GRID2: variants seen among roughly 807,000 people sequenced by gnomAD.
GRID2 encodes the protein glutamate ionotropic receptor delta type subunit 2.
A neutral mutation model predicts 114.8 loss-of-function variants in GRID2; 33 were observed. The observed-to-expected ratio is 0.29, with a 90% CI of 0.22 to 0.38. The LOEUF (loss-of-function observed/expected upper bound fraction) is 0.38, where lower values mean the gene tolerates loss of function less well. GRID2 is among the 10% of genes least tolerant of loss of function. GRID2 has a pLI of 1.00. For synonymous variants in GRID2, 505 were observed against 449.9 expected, an observed-to-expected ratio of 1.12 and a Z score of -1.55; for missense variants, 1,184 against 1,257.7, an observed-to-expected ratio of 0.94 and a Z score of 0.89.
intron 2 of GRID2, among the ~76,000 whole-genome samples, chr4:92,826,885 T>G (rs1741743235): frequency 6.6e-6 from 1 of 152,114 alleles, no homozygotes. Context: ...TGTTATTTCC[T>G]TTATATCCAA....
chr4:93,018,356 A>G (rs965823081), intron 2 of GRID2, among the ~76,000 whole-genome samples: 29 of 152,086 alleles, frequency 1.9e-4, no homozygotes, highest in African/African-American at 7.0e-4. Flanking sequence ...GTCATTACTT[A>G]TTACAACTTC....
At chr4:93,750,283 C>G (rs1342246258) in intron 14 of GRID2, among the ~76,000 whole-genome samples, 4 of 152,170 alleles carry the variant, frequency 2.6e-5, no homozygotes, top group Non-Finnish European at 5.9e-5. Flanking sequence ...AGTGGTTTCT[C>G]CAAACCTGCT....
At chr4:92,950,696 G>A (rs1026850179) in intron 2 of GRID2, among the ~76,000 whole-genome samples, 8 of 152,052 alleles carry the variant, frequency 5.3e-5, no homozygotes, top group African/African-American at 1.9e-4. Context: ...CATGAAAATT[G>A]GTCCTTAATT....
intron 8 of GRID2, among the ~76,000 whole-genome samples, chr4:93,330,007 A>G (rs1758261508): frequency 6.6e-6 from 1 of 152,122 alleles, no homozygotes; most frequent in South Asian, 2.1e-4. Flanking sequence ...AACTGGCCAT[A>G]AAATATTATA....
At chr4:93,335,876 G>A (rs1759029583) in intron 8 of GRID2, among the ~76,000 whole-genome samples, 1 of 151,966 alleles carries the variant, frequency 6.6e-6, no homozygotes, top group East Asian at 1.9e-4. Context: ...TTTTTGTAGA[G>A]ACAGGGTTTC....
intron 2 of GRID2, among the ~76,000 whole-genome samples, chr4:92,698,120 A>G (rs1039413278): frequency 3.3e-5 from 5 of 152,124 alleles, no homozygotes; most frequent in African/African-American, 1.2e-4. Context: ...CAACTGTGTG[A>G]CTTTGCTTAG....
chr4:93,293,240 T>C (rs946457003), intron 8 of GRID2, among the ~76,000 whole-genome samples: 1 of 152,192 alleles, frequency 6.6e-6, no homozygotes, highest in Admixed American at 6.5e-5. Context: ...GTCACTACTG[T>C]GCTGGTGTTC....
At chr4:93,325,012 A>G (rs576483498) in intron 8 of GRID2, among the ~76,000 whole-genome samples, 3 of 152,150 alleles carry the variant, frequency 2.0e-5, no homozygotes, top group Admixed American at 2.0e-4. Flanking sequence ...GATTTTTTGA[A>G]GGGTTTTTTG....
chr4:92,484,833 A>G (rs1722787591), intron 1 of GRID2, among the ~76,000 whole-genome samples: 1 of 152,002 alleles, frequency 6.6e-6, no homozygotes, highest in Admixed American at 6.6e-5. Flanking sequence ...ACCACTTTTT[A>G]GCTTTGATCT....
At chr4:93,715,670 G>A (rs1728845723) in intron 14 of GRID2, among the ~76,000 whole-genome samples, 1 of 152,102 alleles carries the variant, frequency 6.6e-6, no homozygotes, top group Non-Finnish European at 1.5e-5. Flanking sequence ...AATATTCCTA[G>A]ATATTGTATT....
intron 7 of GRID2, among the ~76,000 whole-genome samples, chr4:93,229,013 T>G (rs1424381227): frequency 6.6e-6 from 1 of 152,186 alleles, no homozygotes; most frequent in Admixed American, 6.6e-5. Flanking sequence ...CATTTGTCCC[T>G]GTCAGCTTCT....
At chr4:92,540,693 TG>T (rs1342407542) in intron 1 of GRID2, among the ~76,000 whole-genome samples, 1 of 152,162 alleles carries the variant, frequency 6.6e-6, no homozygotes, top group African/African-American at 2.4e-5. Flanking sequence ...ACACTGTTGG[TG>T]GGACTATAAA....
At chr4:93,062,777 A>G (rs1379300102) in intron 2 of GRID2, among the ~76,000 whole-genome samples, 3 of 152,030 alleles carry the variant, frequency 2.0e-5, no homozygotes, top group Non-Finnish European at 2.9e-5. Context: ...CCTTGACTCT[A>G]TAAAAGTATT....
chr4:93,458,750 A>G (rs998806064), intron 11 of GRID2, among the ~76,000 whole-genome samples: 2 of 152,350 alleles, frequency 1.3e-5, no homozygotes, highest in Admixed American at 6.5e-5. Context: ...CAGATAATTG[A>G]CATATGTAAA....
intron 2 of GRID2, among the ~76,000 whole-genome samples, chr4:92,761,757 A>G (rs1409408461): frequency 2.0e-5 from 3 of 152,088 alleles, no homozygotes; most frequent in Non-Finnish European, 4.4e-5. Context: ...CTTTCTATCA[A>G]TAATGCACAG....
intron 14 of GRID2, among the ~76,000 whole-genome samples, chr4:93,720,219 AT>A (rs1475664800): frequency 1.3e-5 from 2 of 152,176 alleles, no homozygotes; most frequent in African/African-American, 4.8e-5. Context: ...TTCATTCCTG[AT>A]AGTTGTAGCT....
At chr4:93,568,575 A>G (rs1735648008) in intron 13 of GRID2, among the ~76,000 whole-genome samples, 1 of 152,224 alleles carries the variant, frequency 6.6e-6, no homozygotes, top group Non-Finnish European at 1.5e-5. Flanking sequence ...AATGGATAGA[A>G]AACAAAACAA....
At chr4:93,522,505 T>G (rs534730986) in intron 13 of GRID2, among the ~76,000 whole-genome samples, 3 of 152,224 alleles carry the variant, frequency 2.0e-5, no homozygotes, top group African/African-American at 7.2e-5. Flanking sequence ...TCACCAGAAT[T>G]AGTGTTTCCA....
intron 1 of GRID2, among the ~76,000 whole-genome samples, chr4:92,326,974 T>C (rs1048806771): frequency 2.6e-5 from 4 of 151,956 alleles, no homozygotes; most frequent in African/African-American, 9.7e-5. Context: ...CCCTCTCTGA[T>C]TTTCTGATCA....
Sources: gnomAD v4.1 joint callset for allele counts (sites outside exome capture counted in the v4.1 genomes callset) on GRCh38, gnomAD v4.1.1 for gene constraint, MANE v1.5 for transcripts, NCBI Gene and HGNC (gene_info 2026-07-23, HGNC 2026-07-21) for gene names.